TRPM1: variants seen among roughly 807,000 people sequenced by gnomAD.
TRPM1 encodes the protein transient receptor potential cation channel subfamily M member 1.
A neutral mutation model predicts 149.4 loss-of-function variants in TRPM1; 113 were observed. The observed-to-expected ratio is 0.76, with a 90% CI of 0.65 to 0.88. TRPM1 has a LOEUF of 0.88. Ranked by LOEUF, TRPM1 falls within the 40% of genes least tolerant of loss-of-function variation. The pLI is 0.00. For missense variants in TRPM1, 1,976 were observed against 2,038.7 expected (o/e 0.97, Z 0.59); for synonymous variants, 741 against 759.5 (o/e 0.98, Z 0.40).
At chr15:31,158,557 G>A (rs995278614) in intron 1 of TRPM1, among the ~76,000 whole-genome samples, 3 of 150,470 alleles carry the variant, frequency 2.0e-5, no homozygotes, top group Non-Finnish European at 4.4e-5. Context: ...AACCCGGGAG[G>A]TGGAGGTTGC....
chr15:31,045,152 G>A (rs760331228), intron 16 of TRPM1, among the ~76,000 whole-genome samples: 2 of 152,266 alleles, frequency 1.3e-5, no homozygotes, highest in South Asian at 2.1e-4. Flanking sequence ...CAGGAGCACC[G>A]TGTTAAAGGA....
chr15:31,151,510 C>A (rs1328802117), intron 1 of TRPM1, among the ~76,000 whole-genome samples: 1 of 152,200 alleles, frequency 6.6e-6, no homozygotes, highest in Non-Finnish European at 1.5e-5. Flanking sequence ...TGGCACAGGC[C>A]CCCTTGCTGA....
In TRPM1 at chr15:31,001,888, C is replaced by G. The variant is rs143866050; in HGVS notation, c.4812G>C (p.Val1604=). ...HASSVSSLVI[V]SGMTAEEKKV... ...TTTTTTCTTCTGCTGTCATTCCAGA[C>G]ACAATTACTAAGCTGCTTACACTAC... Residue 1604 remains valine (V), a synonymous_variant, in exon 28 of 28, where the codon GTG becomes GTC. Transcript: ENST00000256552. The G allele has an allele frequency of 3.1e-4, 502 of 1,613,990 alleles. 6 individuals carry two copies. In the East Asian group the frequency reaches 0.01, roughly 33 times the overall value.
chr15:31,056,726 ATTTGT>A (rs1226501086), intron 11 of TRPM1, among the ~76,000 whole-genome samples: 2 of 152,014 alleles, frequency 1.3e-5, no homozygotes, highest in South Asian at 2.1e-4. Context: ...ATCTTGAGAG[ATTTGT>A]TTTAAGAGTT....
rs773506356 is a variant in TRPM1, at chr15:31,037,730, A to G, written c.2552T>C (p.Val851Ala). 6.2e-6 allele frequency: 10 copies of G among 1,614,248 alleles called. No individual in the cohort carries two copies. The South Asian group carries it at 1.1e-4, about 18-fold the overall frequency. Reference protein sequence around the residue: ...KICEFYNAPIVKFWFYTISYL... With the variant: ...KICEFYNAPIAKFWFYTISYL... Reference sequence around the variant, plus strand: ...CCTCACTGTGTAAAACCAGAACTTGACAATGGGCGCGTTATAGAATTCACA... The same window carrying G: ...CCTCACTGTGTAAAACCAGAACTTGGCAATGGGCGCGTTATAGAATTCACA... The change falls in exon 20 of 28, where the codon GTC (valine) becomes GCC (alanine). Residue 851 changes from valine (V) to alanine (A), a missense_variant. Val to Ala is a moderately conservative substitution (Grantham distance 64). This residue lies in a region of TRPM1 where 1,332 missense variants were observed against 1,347.1 expected (regional missense o/e 0.99). Coordinates refer to ENST00000256552, the MANE Select transcript of TRPM1 (RefSeq NM_001252024.2).
Position 31,148,394 on chromosome 15 carries a change from G to A in TRPM1, c.54+12512C>T, listed in dbSNP as rs73377641. Among the ~76,000 whole-genome samples, 1,287 of 152,306 alleles carry A rather than the reference G, an allele frequency of 8.5e-3. 11 individuals are homozygous for A. The highest frequency in any genetic ancestry group is 0.029 in the African/African-American group (1,202 of 41,564). ...AGCCTTCTGGTGGCCTGGCTCGGGC[G>A]CAGCTGCACCCTGCGTTGTGTAGGA... On this transcript the variant is annotated intron_variant, in intron 1 of 26. Transcript: ENST00000542188.
chr15:31,156,195 CAAAAAAAAAA>C (rs35981768), intron 1 of TRPM1, among the ~76,000 whole-genome samples: 7 of 36,658 alleles, frequency 1.9e-4, no homozygotes, highest in East Asian at 8.0e-4. Context: ...AGACCTCTGT[CAAAAAAAAAA>C]AAAAAAAAAA....
chr15:31,142,162 T>A (rs1202529493), intron 1 of TRPM1, among the ~76,000 whole-genome samples: 1 of 152,240 alleles, frequency 6.6e-6, no homozygotes, highest in Non-Finnish European at 1.5e-5. Context: ...TGTCTTTTTT[T>A]GAAATTCTTT....
At position 31,081,610 on chromosome 15, in the gene TRPM1, A is replaced by G. The variant is rs2034860760; in HGVS notation, c.-83-172T>C. Among the ~76,000 whole-genome samples the G allele has an allele frequency of 2.0e-5, 3 of 151,526 alleles. No homozygotes were observed. The South Asian group carries it at 6.3e-4, about 32-fold the overall frequency. ...CCAACCCCTGCGCTCTGTTCTCCAT[A>G]AACCTTCTCCCCCACCTCCTGCCTG... On this transcript the variant is annotated intron_variant, in intron 1 of 27. Transcript: ENST00000256552.
rs574626435 is a variant in TRPM1 at position 31,068,824 on chromosome 15, G to A, written c.280-732C>T. On this transcript the variant is annotated intron_variant, in intron 4 of 27. Transcript: ENST00000256552. The stretch of plus-strand genomic sequence containing the variant: ...TGCCATGTGAGGACACAGCAAGAAG[G>A]TGCTATCTATGAAGCAGAGGATGGG... Among the ~76,000 whole-genome samples, 12 of 151,216 alleles carry A rather than the reference G, an allele frequency of 7.9e-5. 1 individual carries two copies. In the South Asian group the frequency reaches 1.3e-3, roughly 16 times the overall value.
At chr15:31,034,215 T>C (rs1273099750) in intron 21 of TRPM1, among the ~76,000 whole-genome samples, 1 of 152,256 alleles carries the variant, frequency 6.6e-6, no homozygotes, top group African/African-American at 2.4e-5. Flanking sequence ...TTTCCTCTGC[T>C]GTCTGCAGAG....
intron 1 of TRPM1, among the ~76,000 whole-genome samples, chr15:31,091,691 C>T (rs909807228): frequency 3.9e-5 from 6 of 152,104 alleles, no homozygotes; most frequent in African/African-American, 1.4e-4. Context: ...GCGCTGTGTT[C>T]CTCTGGGGCT....
At chr15:31,036,986 G>T (rs920748589) in intron 20 of TRPM1, among the ~76,000 whole-genome samples, 3 of 152,226 alleles carry the variant, frequency 2.0e-5, no homozygotes, top group African/African-American at 2.4e-5. Context: ...GCCTGGCGGG[G>T]GCTGTGGCTT....
At chr15:31,061,745 C>T (rs561201560) in intron 9 of TRPM1, among the ~76,000 whole-genome samples, 9 of 150,512 alleles carry the variant, frequency 6.0e-5, no homozygotes, top group East Asian at 1.9e-4. Context: ...AGTGCAATGG[C>T]GCTATCTTGG....
At chr15:31,088,348 G>A (rs2035063545) in intron 1 of TRPM1, among the ~76,000 whole-genome samples, 1 of 152,210 alleles carries the variant, frequency 6.6e-6, no homozygotes, top group Non-Finnish European at 1.5e-5. Flanking sequence ...GGTTGTGGAA[G>A]CTTTCTTCTT....
At chr15:31,009,119 G>C (rs776433936) in intron 27 of TRPM1, among the ~76,000 whole-genome samples, 1 of 151,546 alleles carries the variant, frequency 6.6e-6, no homozygotes, top group Non-Finnish European at 1.5e-5. Context: ...TTCTTTGTCT[G>C]ATTTTTTTTT....
intron 1 of TRPM1, among the ~76,000 whole-genome samples, chr15:31,117,003 G>A (rs930982299): frequency 1.3e-5 from 2 of 152,192 alleles, no homozygotes; most frequent in African/African-American, 4.8e-5. Context: ...CTCAGATACA[G>A]CAGAGAGTTT....
At chr15:31,124,328 G>T (rs1409140182) in intron 1 of TRPM1, among the ~76,000 whole-genome samples, 1 of 152,182 alleles carries the variant, frequency 6.6e-6, no homozygotes, top group East Asian at 1.9e-4. Context: ...CCCAAGATTT[G>T]CAGGACCTTA....
Position 31,060,628 on chromosome 15 carries a change from A to G in TRPM1, c.1179T>C (p.Ala393=). The part of the protein sequence containing the change: ...TALLKGTNVS[A]PDQLSLALAW... The stretch of plus-strand genomic sequence containing the variant: ...CCAGTGCCAAGCTCAGCTGATCTGG[A>G]GCAGATACGTTTGTTCCTGGAAAGG... The change falls in exon 11 of 28, where the codon GCT becomes GCC. Residue 393 remains alanine (A), a synonymous_variant. Coordinates refer to ENST00000256552, the MANE Select transcript of TRPM1 (RefSeq NM_001252024.2). 1 of 1,614,138 alleles carries G rather than the reference A, an allele frequency of 6.2e-7. No homozygotes were observed. The highest frequency in any genetic ancestry group is 1.1e-5 in the South Asian group (1 of 91,050).
Sources: allele counts gnomAD v4.1 joint callset (sites outside exome capture counted in the v4.1 genomes callset), GRCh38; gene constraint gnomAD v4.1.1; regional missense constraint gnomAD v4.1.1; transcripts MANE v1.5; gene names NCBI Gene and HGNC (gene_info 2026-07-23, HGNC 2026-07-21).